The following ZFPM2 variants were observed in gnomAD, a reference collection of about 807,000 sequenced individuals.
ZFPM2 encodes the protein zinc finger protein, FOG family member 2, also known as zinc finger protein ZFPM2.
A neutral mutation model predicts 98.6 loss-of-function variants in ZFPM2; 20 were observed. That is an observed-to-expected ratio of 0.20 (90% CI 0.14 to 0.29). ZFPM2 has a LOEUF of 0.29. Among genes scored for constraint, ZFPM2 ranks in the 10% least tolerant of loss-of-function variants. The pLI is 1.00. For synonymous variants in ZFPM2, 518 were observed against 502.7 expected (o/e 1.03, Z -0.41); for missense variants, 1,310 against 1,388.6 (o/e 0.94, Z 0.90).
chr8:105,664,435 A>C (rs192108578), intron 5 of ZFPM2, among the ~76,000 whole-genome samples: 1 of 151,792 alleles, frequency 6.6e-6, no homozygotes, highest in Non-Finnish European at 1.5e-5. Context: ...TCCGGGTTCA[A>C]GCGATTCTCC....
intron 4 of ZFPM2, among the ~76,000 whole-genome samples, chr8:105,600,918 TG>T (rs1816079346): frequency 1.3e-5 from 2 of 152,252 alleles, no homozygotes; most frequent in East Asian, 3.9e-4. Context: ...ATATTCACTA[TG>T]AATATTTTTA....
intron 4 of ZFPM2, among the ~76,000 whole-genome samples, chr8:105,584,119 T>C (rs1356206101): frequency 6.6e-6 from 1 of 152,122 alleles, no homozygotes; most frequent in East Asian, 1.9e-4. Flanking sequence ...GCTGAAATAA[T>C]TGTGCAGATG....
intron 3 of ZFPM2, among the ~76,000 whole-genome samples, chr8:105,512,704 TATAA>T (rs1485763674): frequency 6.6e-6 from 1 of 152,224 alleles, no homozygotes; most frequent in African/African-American, 2.4e-5. Context: ...TGGTTAACTT[TATAA>T]ATGTCAGAGA....
At chr8:105,343,673 A>C (rs1431132217) in intron 1 of ZFPM2, among the ~76,000 whole-genome samples, 7 of 152,114 alleles carry the variant, frequency 4.6e-5, no homozygotes, top group Non-Finnish European at 5.9e-5. Flanking sequence ...TTGTCACTGG[A>C]AGCATGGAAG....
At chr8:105,666,586 T>C (rs1171898751) in intron 5 of ZFPM2, among the ~76,000 whole-genome samples, 1 of 152,232 alleles carries the variant, frequency 6.6e-6, no homozygotes, top group East Asian at 1.9e-4. Context: ...TCTTAAAGTG[T>C]GGTCCATAGA....
intron 3 of ZFPM2, among the ~76,000 whole-genome samples, chr8:105,484,349 C>A (rs1035409502): frequency 6.6e-6 from 1 of 151,858 alleles, no homozygotes; most frequent in African/African-American, 2.4e-5. Flanking sequence ...TTAGTTAAGT[C>A]TAATCAATTT....
intron 3 of ZFPM2, among the ~76,000 whole-genome samples, chr8:105,524,501 TCA>T (rs147562467): frequency 9.4e-5 from 14 of 148,740 alleles, no homozygotes; most frequent in Admixed American, 7.3e-4. Context: ...TCTCTCTCTC[TCA>T]CACACACACA....
At chr8:105,690,988 A>T (rs1159827435) in intron 5 of ZFPM2, 1 of 152,178 alleles carries the variant, frequency 6.6e-6, no homozygotes, top group African/African-American at 2.4e-5. Context: ...CCAAAGTCAC[A>T]GAGTTGATAG....
intron 4 of ZFPM2, among the ~76,000 whole-genome samples, chr8:105,585,013 G>C (rs947286900): frequency 2.0e-5 from 3 of 152,118 alleles, no homozygotes; most frequent in Non-Finnish European, 4.4e-5. Context: ...GGAAAATTAT[G>C]GTGGAATAAA....
intron 5 of ZFPM2, among the ~76,000 whole-genome samples, chr8:105,688,436 A>T (rs1465783999): frequency 6.6e-6 from 1 of 152,156 alleles, no homozygotes; most frequent in Non-Finnish European, 1.5e-5. Flanking sequence ...ATAAAAAATA[A>T]CAAAAATTAT....
chr8:105,609,218 G>A (rs1035522871), intron 4 of ZFPM2, among the ~76,000 whole-genome samples: 1 of 152,096 alleles, frequency 6.6e-6, no homozygotes, highest in African/African-American at 2.4e-5. Context: ...CTGAAGGAAG[G>A]GATGGGTTCA....
chr8:105,327,063 T>C, intron 1 of ZFPM2, among the ~76,000 whole-genome samples: 1 of 151,516 alleles, frequency 6.6e-6, no homozygotes, highest in Non-Finnish European at 1.5e-5. Flanking sequence ...ATTTCTTTCT[T>C]AGAAAGATAA....
chr8:105,601,054 G>A (rs1008241380), intron 4 of ZFPM2, among the ~76,000 whole-genome samples: 7 of 152,036 alleles, frequency 4.6e-5, no homozygotes, highest in Non-Finnish European at 8.8e-5. Flanking sequence ...ACTGCCCTGG[G>A]TTCCATGGCT....
At chr8:105,626,837 A>T (rs1440010980) in intron 4 of ZFPM2, among the ~76,000 whole-genome samples, 2 of 152,166 alleles carry the variant, frequency 1.3e-5, no homozygotes, top group African/African-American at 2.4e-5. Flanking sequence ...ACATGAAACT[A>T]TATCTCACGG....
intron 2 of ZFPM2, among the ~76,000 whole-genome samples, chr8:105,425,241 G>T (rs1395148312): frequency 6.6e-6 from 1 of 152,162 alleles, no homozygotes; most frequent in Non-Finnish European, 1.5e-5. Flanking sequence ...GAGAGTTGCG[G>T]TAAGACATGG....
intron 1 of ZFPM2, among the ~76,000 whole-genome samples, chr8:105,378,242 T>C (rs1280581966): frequency 6.6e-6 from 1 of 152,050 alleles, no homozygotes; most frequent in Non-Finnish European, 1.5e-5. Context: ...GAACTGGGGG[T>C]GAACTAAGAA....
intron 3 of ZFPM2, among the ~76,000 whole-genome samples, chr8:105,494,932 A>T (rs1170623606): frequency 6.6e-6 from 1 of 152,252 alleles, no homozygotes; most frequent in Non-Finnish European, 1.5e-5. Flanking sequence ...GAAATTCAAA[A>T]CTTTATTTGT....
At chr8:105,480,018 A>C (rs1355534194) in intron 3 of ZFPM2, among the ~76,000 whole-genome samples, 4 of 152,230 alleles carry the variant, frequency 2.6e-5, no homozygotes, top group East Asian at 1.9e-4. Context: ...TTGAGCATCA[A>C]ATAGTGGTAG....
intron 1 of ZFPM2, among the ~76,000 whole-genome samples, chr8:105,386,508 G>C (rs1299565523): frequency 6.6e-6 from 1 of 152,046 alleles, no homozygotes; most frequent in Non-Finnish European, 1.5e-5. Context: ...CTGATGTTTG[G>C]ATGTGTTCAG....
Sources: allele counts gnomAD v4.1 joint callset (sites outside exome capture counted in the v4.1 genomes callset), GRCh38; gene constraint gnomAD v4.1.1; transcripts MANE v1.5; gene names NCBI Gene and HGNC (gene_info 2026-07-23, HGNC 2026-07-21).